Variants in KIAA1217 observed in about 807,000 individuals in gnomAD.
KIAA1217 encodes the protein sickle tail protein homolog.
KIAA1217 carries 88 observed loss-of-function variants against 163.9 expected under a neutral mutation model. The ratio of observed to expected loss-of-function variants is 0.54; its 90% CI spans 0.45 to 0.64. The LOEUF (loss-of-function observed/expected upper bound fraction) is 0.64, where lower values mean the gene tolerates loss of function less well. Ranked by LOEUF, KIAA1217 falls within the 30% of genes least tolerant of loss-of-function variation. KIAA1217 has a pLI of 0.00. For synonymous variants in KIAA1217, 903 were observed against 923.1 expected (o/e 0.98, Z 0.39); for missense variants, 2,372 against 2,475.0 (o/e 0.96, Z 0.88).
intron 2 of KIAA1217, chr10:24,239,342 A>G: frequency 2.0e-6 from 2 of 976,948 alleles, no homozygotes; most frequent in Non-Finnish European, 2.4e-6. Flanking sequence ...GTACAGGTAA[A>G]TATGCGGGGT....
chr10:24,195,566 G>A (rs551123925), intron 2 of KIAA1217, among the ~76,000 whole-genome samples: 68 of 152,316 alleles, frequency 4.5e-4, no homozygotes, highest in Admixed American at 1.5e-3. Flanking sequence ...AAGAACAGAG[G>A]GAGGTTGGAA....
intron 1 of KIAA1217, among the ~76,000 whole-genome samples, chr10:23,816,985 GA>G (rs1303167227): frequency 6.6e-6 from 1 of 152,190 alleles, no homozygotes; most frequent in Non-Finnish European, 1.5e-5. Context: ...CCAAGAATTT[GA>G]AATAACAATG....
chr10:24,370,334 G>A (rs7918506), intron 2 of KIAA1217, among the ~76,000 whole-genome samples: 23,133 of 149,356 alleles, frequency 0.15, 2,053 homozygotes, highest in South Asian at 0.29. Flanking sequence ...GCAAAATCTC[G>A]TAAGAAGAGG....
chr10:24,461,259 A>G lies in KIAA1217; in HGVS notation c.847-11969A>G, dbSNP rs1564721572. 2.0e-5 allele frequency among the ~76,000 whole-genome samples: 3 copies of G among 152,336 alleles called. No individual in the cohort carries two copies. In the East Asian group the frequency reaches 5.8e-4, roughly 29 times the overall value. On this transcript the variant is annotated intron_variant, in intron 5 of 20. Transcript: ENST00000376454. Reference sequence around the variant, plus strand: ...TTCATGCTGTAATCATCCTAAAGTTATATAACACTCCATCTAGCTGTTTTC... The same window carrying G: ...TTCATGCTGTAATCATCCTAAAGTTGTATAACACTCCATCTAGCTGTTTTC...
intron 6 of KIAA1217, among the ~76,000 whole-genome samples, chr10:24,478,115 T>C (rs768761976): frequency 6.6e-6 from 1 of 152,200 alleles, no homozygotes; most frequent in Non-Finnish European, 1.5e-5. Context: ...GTGCTTTCTG[T>C]TGGCACTGCT....
chr10:24,436,568 T>C (rs7096992), intron 4 of KIAA1217, among the ~76,000 whole-genome samples: 103,755 of 151,242 alleles, frequency 0.69, 37,172 homozygotes, highest in African/African-American at 0.91. Flanking sequence ...ACCATCCTGG[T>C]TAACACAGTG....
At chr10:24,060,148 A>AT (rs908522997) in intron 2 of KIAA1217, among the ~76,000 whole-genome samples, 13 of 144,146 alleles carry the variant, frequency 9.0e-5, no homozygotes, top group Admixed American at 1.3e-4. Flanking sequence ...AATCTCATTG[A>AT]TTTTTTTTCC....
intron 1 of KIAA1217, among the ~76,000 whole-genome samples, chr10:23,793,016 G>A (rs894219597): frequency 1.3e-5 from 2 of 149,210 alleles, no homozygotes; most frequent in Non-Finnish European, 3.0e-5. Context: ...TGATTTTCCA[G>A]GAAACATCAT....
At chr10:24,141,382 A>G (rs2064073404) in intron 2 of KIAA1217, among the ~76,000 whole-genome samples, 1 of 151,898 alleles carries the variant, frequency 6.6e-6, no homozygotes, top group Non-Finnish European at 1.5e-5. Flanking sequence ...TTTTCCTACC[A>G]CTTGGACCCA....
At chr10:24,146,636 T>A (rs537298601) in intron 2 of KIAA1217, among the ~76,000 whole-genome samples, 5 of 152,086 alleles carry the variant, frequency 3.3e-5, no homozygotes, top group Non-Finnish European at 7.4e-5. Context: ...TGAGCGGTGG[T>A]TGCACCACTG....
intron 13 of KIAA1217, among the ~76,000 whole-genome samples, chr10:24,525,760 G>A (rs949890733): frequency 4.6e-5 from 7 of 152,222 alleles, no homozygotes; most frequent in South Asian, 2.1e-4. Context: ...AGGCCGAGGC[G>A]GGTCGATCAC....
chr10:23,739,665 C>A (rs1839000666), intron 1 of KIAA1217, among the ~76,000 whole-genome samples: 1 of 152,092 alleles, frequency 6.6e-6, no homozygotes, highest in Non-Finnish European at 1.5e-5. Flanking sequence ...AAAGGCATGG[C>A]ATAATCTTAC....
intron 1 of KIAA1217, among the ~76,000 whole-genome samples, chr10:23,940,287 C>G: frequency 6.6e-6 from 1 of 151,428 alleles, no homozygotes; most frequent in Non-Finnish European, 1.5e-5. Flanking sequence ...TGGTGAAACC[C>G]GGTCTCTACT....
chr10:24,527,776 G>A (rs751200129), intron 13 of KIAA1217, among the ~76,000 whole-genome samples, 160 bp from the exon 14 acceptor site: 2 of 152,112 alleles, frequency 1.3e-5, no homozygotes, highest in African/African-American at 2.4e-5. Flanking sequence ...TGGGTTTGTT[G>A]TGCAGATTAT....
At chr10:24,384,626 T>A (rs1391777978) in intron 3 of KIAA1217, among the ~76,000 whole-genome samples, 2 of 152,106 alleles carry the variant, frequency 1.3e-5, no homozygotes, top group African/African-American at 4.8e-5. Flanking sequence ...AATCTCTGTC[T>A]CCCGGGTTCA....
chr10:23,877,827 T>C (rs898859292), intron 1 of KIAA1217, among the ~76,000 whole-genome samples: 6 of 151,962 alleles, frequency 3.9e-5, no homozygotes, highest in Non-Finnish European at 8.8e-5. Flanking sequence ...CACAGGTACA[T>C]AAAAGATTCA....
At position 23,954,894 on chromosome 10, in the gene KIAA1217, A is replaced by G. The variant is rs116836220; in HGVS notation, c.-320-52331A>G. Among the ~76,000 whole-genome samples the G allele has an allele frequency of 3.7e-3, 570 of 152,242 alleles. 6 individuals carry two copies. Among genetic ancestry groups the G allele is most frequent in the African/African-American group, 0.013 (541 of 41,524 alleles). ...TTAAGGGAGAGGAAAAATAATAGAA[A>G]GAACATACACTTTGAACCAAGAAAG... is the stretch of plus-strand genomic sequence containing the variant. On this transcript the variant is annotated intron_variant, in intron 1 of 18. Coordinates refer to the KIAA1217 transcript ENST00000376462.
intron 1 of KIAA1217, among the ~76,000 whole-genome samples, chr10:23,765,340 A>G (rs1834459131): frequency 6.6e-6 from 1 of 151,516 alleles, no homozygotes; most frequent in Non-Finnish European, 1.5e-5. Context: ...AGCCCGGCTA[A>G]CTTTTTGTAC....
intron 2 of KIAA1217, among the ~76,000 whole-genome samples, chr10:24,203,560 C>A (rs1589888385): frequency 1.3e-5 from 2 of 151,924 alleles, no homozygotes; most frequent in South Asian, 4.2e-4. Flanking sequence ...CCCTACCCCC[C>A]AACCCCCACC....
Sources: allele counts gnomAD v4.1 joint callset (sites outside exome capture counted in the v4.1 genomes callset), GRCh38; gene constraint gnomAD v4.1.1; transcripts MANE v1.5; gene names NCBI Gene and HGNC (gene_info 2026-07-23, HGNC 2026-07-21).